The following CACNA1A variants were observed in gnomAD, a reference collection of about 807,000 sequenced individuals.
The protein encoded by CACNA1A is calcium voltage-gated channel subunit alpha1 A.
In CACNA1A, 57 loss-of-function variants were observed where a neutral mutation model predicts 262.4. That is an observed-to-expected ratio of 0.22 (90% CI 0.18 to 0.27). CACNA1A has a LOEUF of 0.27. Ranked by LOEUF, CACNA1A falls within the 10% of genes least tolerant of loss-of-function variation. The probability of loss-of-function intolerance (pLI) is 1.00; values close to 1 mark genes in which losing one functional copy is unlikely to be tolerated. For missense variants in CACNA1A, 2,526 were observed against 3,562.8 expected (o/e 0.71, Z 7.41); for synonymous variants, 1,431 against 1,419.3 (o/e 1.01, Z -0.18).
chr19:13,257,576 G>T (rs747548899), intron 27 of CACNA1A, 25 bp from the exon 28 acceptor site: 65 of 1,499,900 alleles, frequency 4.3e-5, no homozygotes, highest in Non-Finnish European at 5.5e-5. Context: ...GCAGGGAGAG[G>T]GAAGGGGCAG....
Position 13,365,401 on chromosome 19 carries a change from A to G in CACNA1A, c.700T>C (p.Phe234Leu), listed in dbSNP as rs1386803044. 6.2e-7 allele frequency: 1 copy of G among 1,613,698 alleles called. No homozygotes were observed. The change falls in exon 5 of 47, where the codon TTT (phenylalanine) becomes CTT (leucine). Residue 234 changes from phenylalanine (F) to leucine (L), a missense_variant. Transcript: ENST00000360228. ...IPLLQIGLLL[F>L]FAILIFAIIG... ...ATTGCAAAAATAAGGATTGCAAAAA[A>G]TAGGAGGAGGCCGATCTGCAGCAAA... is the stretch of plus-strand genomic sequence containing the variant.
intron 1 of CACNA1A, among the ~76,000 whole-genome samples, chr19:13,484,672 A>G (rs1016025290): frequency 6.6e-6 from 1 of 152,350 alleles, no homozygotes; most frequent in South Asian, 2.1e-4. Flanking sequence ...CAGACATAAA[A>G]TCATTGTATT....
rs531378900 is a variant in CACNA1A at position 13,420,077 on chromosome 19, T to C, written c.539+32799A>G. On this transcript the variant is annotated intron_variant, in intron 3 of 46. Coordinates refer to ENST00000360228, the MANE Select transcript of CACNA1A (RefSeq NM_001127222.2). ...GCCTGGGCGACAGAGCGGGACTCTA[T>C]CTCAACATAAAAATAAAAATAAATT... Among the ~76,000 whole-genome samples, 18 of 151,758 alleles carry C rather than the reference T, an allele frequency of 1.2e-4. 1 individual carries two copies. The highest frequency in any genetic ancestry group is 2.7e-4 in the African/African-American group (11 of 41,344).
chr19:13,390,787 G>A (rs1599351929), intron 3 of CACNA1A, among the ~76,000 whole-genome samples: 2 of 152,116 alleles, frequency 1.3e-5, no homozygotes, highest in Non-Finnish European at 1.5e-5. Context: ...TTTTATTGAC[G>A]AGGAAACTGA....
At chr19:13,235,349 G>A in intron 32 of CACNA1A, 75 bp from the exon 33 acceptor site, 2 of 1,402,008 alleles carry the variant, frequency 1.4e-6, no homozygotes, top group East Asian at 2.5e-5. Flanking sequence ...TTGTCCCAGT[G>A]CTCTGCCCCA....
At chr19:13,422,794 T>G (rs2060339754) in intron 3 of CACNA1A, among the ~76,000 whole-genome samples, 1 of 152,196 alleles carries the variant, frequency 6.6e-6, no homozygotes, top group Non-Finnish European at 1.5e-5. Flanking sequence ...TGAGCTTCTC[T>G]GGTTGGCGGT....
chr19:13,216,051 T>A (rs766338527), intron 38 of CACNA1A, among the ~76,000 whole-genome samples: 2 of 152,158 alleles, frequency 1.3e-5, no homozygotes, highest in South Asian at 4.1e-4. Flanking sequence ...CCCAAAGTGC[T>A]GGAATTACAG....
At chr19:13,503,702 G>C (rs1352678825) in intron 1 of CACNA1A, among the ~76,000 whole-genome samples, 1 of 133,910 alleles carries the variant, frequency 7.5e-6, no homozygotes, top group Non-Finnish European at 1.5e-5. Context: ...GACCCAGCTC[G>C]ATGACAGATT....
At chr19:13,258,989 A>G (rs907686310) in intron 27 of CACNA1A, 2 of 151,792 alleles carry the variant, frequency 1.3e-5, no homozygotes, top group Admixed American at 1.3e-4. Context: ...GCTGGAGTAC[A>G]ATGGCATAAT....
chr19:13,373,406 T>C (rs2059356496), intron 3 of CACNA1A, among the ~76,000 whole-genome samples: 1 of 152,230 alleles, frequency 6.6e-6, no homozygotes, highest in African/African-American at 2.4e-5. Context: ...GCCTTAGGGC[T>C]GTCTCCAAAT....
intron 15 of CACNA1A, among the ~76,000 whole-genome samples, chr19:13,305,641 C>T (rs147887440): frequency 9.2e-4 from 140 of 152,312 alleles, no homozygotes; most frequent in Middle Eastern, 3.4e-3. Flanking sequence ...ATGCCAGTAG[C>T]ACCCTCTCCC....
At chr19:13,452,795 G>T in intron 3 of CACNA1A, 81 bp downstream of exon 3, 1 of 1,385,426 alleles carries the variant, frequency 7.2e-7, no homozygotes, top group Non-Finnish European at 1.0e-6. Flanking sequence ...GCCTTCCTGA[G>T]CCTGGCCCGG....
chr19:13,503,688 G>A (rs1982666764), intron 1 of CACNA1A, among the ~76,000 whole-genome samples: 1 of 131,178 alleles, frequency 7.6e-6, no homozygotes, highest in South Asian at 2.6e-4. Flanking sequence ...GCTCAGTCCT[G>A]GATGACCCAG....
intron 6 of CACNA1A, among the ~76,000 whole-genome samples, chr19:13,342,293 T>C (rs985190155): frequency 1.3e-5 from 2 of 152,148 alleles, no homozygotes; most frequent in Non-Finnish European, 2.9e-5. Flanking sequence ...ATGCCATGGC[T>C]GTTCTGTGGT....
Position 13,209,500 on chromosome 19 carries a change from T to TGGGGGA in CACNA1A, c.6340-8_6340-3dup. 3 of 1,301,678 alleles carry TGGGGGA rather than the reference T, an allele frequency of 2.3e-6. No homozygotes were observed. The South Asian group carries it at 8.7e-5, about 38-fold the overall frequency. 80.6% of individuals were successfully genotyped at this position (1,301,678 alleles called of 1,614,324 possible). ...CATGGGGCTGGTGTCTGAGATGGTC[T>TGGGGGA]GGGGGAGGGGACAGGCCGGTGGGCT... On this transcript the variant is annotated splice_region_variant and splice_polypyrimidine_tract_variant and intron_variant, in intron 44 of 46. Transcript: ENST00000360228.
chr19:13,249,651 G>A (rs1446270132), intron 30 of CACNA1A, among the ~76,000 whole-genome samples: 1 of 152,114 alleles, frequency 6.6e-6, no homozygotes, highest in Non-Finnish European at 1.5e-5. Context: ...CACCGTGCCT[G>A]GCCCCTAGCA....
intron 1 of CACNA1A, among the ~76,000 whole-genome samples, chr19:13,478,182 C>A (rs1020322144): frequency 6.6e-6 from 1 of 152,104 alleles, no homozygotes; most frequent in African/African-American, 2.4e-5. Context: ...CCCGCCCCCA[C>A]AAAATAAACA....
At chr19:13,416,179 C>A (rs2060218109) in intron 3 of CACNA1A, among the ~76,000 whole-genome samples, 1 of 152,198 alleles carries the variant, frequency 6.6e-6, no homozygotes, top group Non-Finnish European at 1.5e-5. Context: ...CAGCTCACTG[C>A]AGCCTTGACC....
intron 6 of CACNA1A, among the ~76,000 whole-genome samples, chr19:13,352,120 G>A (rs897314004): frequency 2.6e-5 from 4 of 151,990 alleles, no homozygotes; most frequent in African/African-American, 9.7e-5. Flanking sequence ...CTTTCTCCCC[G>A]CTAACCATTT....
Sources: allele counts gnomAD v4.1 joint callset (sites outside exome capture counted in the v4.1 genomes callset), GRCh38; gene constraint gnomAD v4.1.1; transcripts MANE v1.5; gene names NCBI Gene and HGNC (gene_info 2026-07-23, HGNC 2026-07-21).